The following EMC2 variants were observed in gnomAD, a reference collection of about 807,000 sequenced individuals.
EMC2 encodes the protein ER membrane protein complex subunit 2, also known as TPR repeat protein 35.
A neutral mutation model predicts 51.6 loss-of-function variants in EMC2; 37 were observed. The observed-to-expected ratio is 0.72, with a 90% CI of 0.55 to 0.94. EMC2 has a LOEUF of 0.94. Ranked by LOEUF, EMC2 falls within the 40% of genes least tolerant of loss-of-function variation. The pLI, the probability that EMC2 is intolerant of heterozygous loss-of-function variation, is 0.00. For synonymous variants in EMC2, 131 were observed against 112.4 expected (o/e 1.17, Z -1.04); for missense variants, 359 against 350.9 (o/e 1.02, Z -0.18).
At chr8:108,444,014 C>T (rs1379302682) in intron 1 of EMC2, among the ~76,000 whole-genome samples, 1 of 152,104 alleles carries the variant, frequency 6.6e-6, no homozygotes, top group African/African-American at 2.4e-5. Flanking sequence ...TAACTGGTTG[C>T]TGGGCGGTGC....
rs1434287841 is a variant in EMC2, at chr8:108,486,824, A to G, written c.*226A>G. 1.8e-5 allele frequency: 7 copies of G among 393,106 alleles called. No homozygotes were observed. Among genetic ancestry groups the G allele is most frequent in the African/African-American group, 1.5e-4 (7 of 47,982 alleles). 24.4% of individuals were successfully genotyped at this position (393,106 alleles called of 1,614,324 possible). ...GAGATTTAAGACTTATTGATTGTAC[A>G]TCAGTCTCTTCATATCACATATACA... On this transcript the variant is annotated 3_prime_UTR_variant, in exon 11 of 11. Coordinates refer to ENST00000220853, the MANE Select transcript of EMC2 (RefSeq NM_014673.5).
In EMC2 at chr8:108,476,800, G is replaced by A; in HGVS notation, c.610G>A (p.Gly204Arg). 1 of 1,580,296 alleles carries A rather than the reference G, an allele frequency of 6.3e-7. No homozygotes were observed. The highest frequency in any genetic ancestry group is 1.1e-5 in the South Asian group (1 of 90,292). ...QYAEVKYTQG[G>R]LENLELSRKY... ...TTAACAGGTTAAGTATACCCAAGGT[G>A]GACTTGAAAACCTCGAACTTTCAAG... The change falls in exon 9 of 11, where the codon GGA becomes AGA. Residue 204 changes from glycine to arginine, a missense_variant. Gly to Arg is a moderately radical substitution (Grantham distance 125, BLOSUM62 -2). Transcript: ENST00000220853.
chr8:108,464,857 T>C (rs1247485435), intron 5 of EMC2, among the ~76,000 whole-genome samples: 1 of 152,216 alleles, frequency 6.6e-6, no homozygotes, highest in Non-Finnish European at 1.5e-5. Context: ...GGTATCTTGC[T>C]CCAGAAGATG....
intron 5 of EMC2, among the ~76,000 whole-genome samples, chr8:108,463,307 A>G (rs1425706912): frequency 6.6e-6 from 1 of 152,196 alleles, no homozygotes; most frequent in Non-Finnish European, 1.5e-5. Flanking sequence ...ATGGGAATCT[A>G]AAACTAAGAC....
chr8:108,446,498 A>G (rs568236330), intron 1 of EMC2, among the ~76,000 whole-genome samples: 1 of 150,468 alleles, frequency 6.6e-6, no homozygotes, highest in Admixed American at 6.6e-5. Context: ...AATCTTCGAA[A>G]TACTTCGAAA....
chr8:108,463,903 TGCAAA>T (rs1310034814), intron 5 of EMC2: 1 of 152,528 alleles, frequency 6.6e-6, no homozygotes, highest in African/African-American at 2.4e-5. Flanking sequence ...TGTTTGGATT[TGCAAA>T]TATCCTGACT....
At chr8:108,447,098 C>T (rs560366816) in intron 1 of EMC2, among the ~76,000 whole-genome samples, 2 of 152,112 alleles carry the variant, frequency 1.3e-5, no homozygotes, top group Non-Finnish European at 2.9e-5. Flanking sequence ...ATTAAGTATA[C>T]CTATACATGA....
chr8:108,452,993 A>G (rs774226266), intron 3 of EMC2, 69 bp from the exon 4 acceptor site: 2 of 725,100 alleles, frequency 2.8e-6, no homozygotes, highest in South Asian at 2.0e-5. Context: ...ATTGAAGACT[A>G]TATAGGCCAT....
intron 1 of EMC2, among the ~76,000 whole-genome samples, chr8:108,445,180 A>C (rs924582678): frequency 6.6e-6 from 1 of 152,256 alleles, no homozygotes; most frequent in East Asian, 1.9e-4. Flanking sequence ...AATTTGGAAT[A>C]ATAAATAATA....
intron 5 of EMC2, among the ~76,000 whole-genome samples, chr8:108,458,500 A>G (rs976974818): frequency 2.0e-5 from 3 of 152,166 alleles, no homozygotes; most frequent in Admixed American, 6.5e-5. Context: ...CTAAACCTCA[A>G]TTCTTGACTT....
At chr8:108,466,396 A>G (rs1326336421) in intron 5 of EMC2, among the ~76,000 whole-genome samples, 4 of 150,796 alleles carry the variant, frequency 2.7e-5, no homozygotes, top group African/African-American at 9.8e-5. Context: ...AAATCTAAGT[A>G]TAATTTTTAT....
rs1811166083 is a variant in EMC2 at position 108,487,592 on chromosome 8, G to A, written c.*994G>A. On this transcript the variant is annotated 3_prime_UTR_variant, in exon 11 of 11. Coordinates refer to ENST00000220853, the MANE Select transcript of EMC2 (RefSeq NM_014673.5). The stretch of plus-strand genomic sequence containing the variant: ...CAAATCAGTTTTTAAAATAGCAACT[G>A]TTCACCGCAAATATTTATGGTATTT... Among the ~76,000 whole-genome samples the A allele has an allele frequency of 6.6e-6, 1 of 151,728 alleles. No homozygotes were observed. Among genetic ancestry groups the A allele is most frequent in the African/African-American group, 2.4e-5 (1 of 41,340 alleles).
chr8:108,482,693 C>T (rs1416718200), intron 10 of EMC2, among the ~76,000 whole-genome samples: 1 of 152,026 alleles, frequency 6.6e-6, no homozygotes, highest in Non-Finnish European at 1.5e-5. Flanking sequence ...GAGTTATCCT[C>T]CTGCCTCAGC....
At chr8:108,468,684 C>T (rs946965135) in intron 5 of EMC2, among the ~76,000 whole-genome samples, 4 of 152,098 alleles carry the variant, frequency 2.6e-5, no homozygotes, top group African/African-American at 9.7e-5. Flanking sequence ...CTTCTGTCTG[C>T]ATCTTGTGGA....
At chr8:108,482,346 G>A (rs1364788698) in intron 10 of EMC2, among the ~76,000 whole-genome samples, 1 of 152,092 alleles carries the variant, frequency 6.6e-6, no homozygotes, top group Admixed American at 6.5e-5. Flanking sequence ...TTAGTTATAT[G>A]TATAAGCAAA....
chr8:108,471,884 A>G (rs953084278), intron 7 of EMC2, among the ~76,000 whole-genome samples: 2 of 151,954 alleles, frequency 1.3e-5, no homozygotes, highest in Non-Finnish European at 2.9e-5. Flanking sequence ...GGTAACATCA[A>G]TTTACTTGCA....
intron 3 of EMC2, 36 bp from the exon 4 acceptor site, chr8:108,453,026 A>C (rs776530049): frequency 8.2e-7 from 1 of 1,220,750 alleles, no homozygotes; most frequent in Non-Finnish European, 1.2e-6. Context: ...ATTTAGTATA[A>C]ATAATGTAAT....
In EMC2 at chr8:108,479,000, T is replaced by C. The variant is rs780071628; in HGVS notation, c.703-6T>C. ...TTTTGCTTTTGATGTTTTTATTTGT[T>C]TTTAGTCGGCAAGTCATATTGCTTC... On this transcript the variant is annotated splice_region_variant and splice_polypyrimidine_tract_variant and intron_variant, in intron 9 of 10. Coordinates refer to ENST00000220853, the MANE Select transcript of EMC2 (RefSeq NM_014673.5). 1 of 1,537,144 alleles carries C rather than the reference T, an allele frequency of 6.5e-7. No homozygotes were observed. The highest frequency in any genetic ancestry group is 8.8e-7 in the Non-Finnish European group (1 of 1,140,984).
chr8:108,463,035 CT>C (rs1819368508), intron 5 of EMC2, among the ~76,000 whole-genome samples: 1 of 152,182 alleles, frequency 6.6e-6, no homozygotes, highest in Admixed American at 6.5e-5. Context: ...TCCTCCTCCT[CT>C]TATTTACTTC....
Sources: gnomAD v4.1 joint callset for allele counts (sites outside exome capture counted in the v4.1 genomes callset) on GRCh38, gnomAD v4.1.1 for gene constraint, MANE v1.5 for transcripts, NCBI Gene and HGNC (gene_info 2026-07-23, HGNC 2026-07-21) for gene names.